The following CCDC148 variants were observed in gnomAD, a reference collection of about 807,000 sequenced individuals.
CCDC148 encodes coiled-coil domain-containing protein 148.
A neutral mutation model predicts 85.7 loss-of-function variants in CCDC148; 89 were observed. That is an observed-to-expected ratio of 1.04 (90% confidence interval 0.87 to 1.24). The LOEUF is 1.24. CCDC148 is among the 50% of genes most tolerant of loss of function. The pLI, the probability that CCDC148 is intolerant of heterozygous loss-of-function variation, is 0.00. For missense variants in CCDC148, 692 were observed against 671.7 expected (o/e 1.03, Z -0.33); for synonymous variants, 230 against 213.9 (o/e 1.08, Z -0.66).
chr2:158,390,165 A>C (rs1445068505), intron 1 of CCDC148, among the ~76,000 whole-genome samples: 3 of 152,180 alleles, frequency 2.0e-5, no homozygotes, highest in Admixed American at 6.6e-5. Context: ...TACAAGGAAG[A>C]CTTAAAACAG....
chr2:158,429,615 AAT>A (rs1687246575), intron 1 of CCDC148, among the ~76,000 whole-genome samples: 1 of 152,210 alleles, frequency 6.6e-6, no homozygotes, highest in South Asian at 2.1e-4. Context: ...CAAAAATGTA[AAT>A]TGTTAAAAGG....
intron 7 of CCDC148, among the ~76,000 whole-genome samples, chr2:158,325,389 T>C (rs962629391): frequency 1.3e-5 from 2 of 152,132 alleles, no homozygotes; most frequent in Non-Finnish European, 2.9e-5. Flanking sequence ...GACACTACAC[T>C]CTCTTTGTTT....
At position 158,382,916 on chromosome 2, in the gene CCDC148, G is replaced by A. The variant is rs185579833; in HGVS notation, c.26-24346C>T. Among the ~76,000 whole-genome samples, 635 of 151,002 alleles carry A rather than the reference G, an allele frequency of 4.2e-3. 1 individual carries two copies. Among genetic ancestry groups the A allele is most frequent in the African/African-American group, 0.014 (595 of 41,110 alleles). Reference sequence around the variant, plus strand: ...AGCCTGGGTGACAGAGTGAGACTCCGTCTCACAAAAAAAAACCACAATAAC... The same window carrying A: ...AGCCTGGGTGACAGAGTGAGACTCCATCTCACAAAAAAAAACCACAATAAC... On this transcript the variant is annotated intron_variant, in intron 1 of 13. Coordinates refer to ENST00000283233, the MANE Select transcript of CCDC148 (RefSeq NM_138803.4).
intron 11 of CCDC148, among the ~76,000 whole-genome samples, chr2:158,197,168 A>C (rs767085627): frequency 1.3e-5 from 2 of 152,208 alleles, no homozygotes; most frequent in Non-Finnish European, 2.9e-5. Context: ...TCCACTCACA[A>C]TAAGTCAGGA....
At chr2:158,248,742 G>C (rs963509817) in intron 10 of CCDC148, among the ~76,000 whole-genome samples, 1 of 152,042 alleles carries the variant, frequency 6.6e-6, no homozygotes, top group Non-Finnish European at 1.5e-5. Flanking sequence ...ATCACATCTT[G>C]CATTCTAAGA....
intron 9 of CCDC148, among the ~76,000 whole-genome samples, chr2:158,279,714 C>A (rs186111532): frequency 0.012 from 1,892 of 152,212 alleles, 28 homozygotes; most frequent in African/African-American, 0.039. Context: ...AGGATATTAT[C>A]CAGGAGAACT....
intron 10 of CCDC148, among the ~76,000 whole-genome samples, chr2:158,247,495 G>A (rs1358072329): frequency 1.3e-5 from 2 of 152,096 alleles, no homozygotes; most frequent in African/African-American, 4.8e-5. Flanking sequence ...CAAAACTTTG[G>A]AAACTTAAAT....
In CCDC148 at chr2:158,231,067, G is replaced by A. The variant is rs566471818; in HGVS notation, c.1252-10354C>T. 3.9e-5 allele frequency among the ~76,000 whole-genome samples: 6 copies of A among 152,216 alleles called. No individual in the cohort carries two copies. In the East Asian group the frequency reaches 5.8e-4, roughly 15 times the overall value. ...GACCTCTAAGTTGGAGGGGCCAGAC[G>A]AACATCTGAAGGCACAGATGGGTGG... On this transcript the variant is annotated intron_variant, in intron 10 of 13. Coordinates refer to ENST00000283233, the MANE Select transcript of CCDC148 (RefSeq NM_138803.4).
At chr2:158,224,979 A>G (rs1197869237) in intron 10 of CCDC148, among the ~76,000 whole-genome samples, 1 of 152,204 alleles carries the variant, frequency 6.6e-6, no homozygotes, top group Non-Finnish European at 1.5e-5. Flanking sequence ...TAAATGGGCT[A>G]AATGCTCCAA....
chr2:158,360,502 C>A (rs1683889286), intron 1 of CCDC148, among the ~76,000 whole-genome samples: 2 of 152,206 alleles, frequency 1.3e-5, no homozygotes, highest in African/African-American at 4.8e-5. Context: ...TGCTGTTCTG[C>A]AGCCTCCACT....
chr2:158,367,725 C>T (rs1207597080), intron 1 of CCDC148, among the ~76,000 whole-genome samples: 2 of 152,134 alleles, frequency 1.3e-5, no homozygotes, highest in Non-Finnish European at 2.9e-5. Context: ...TTGGTTCCAA[C>T]TATTTAGAAG....
At position 158,253,342 on chromosome 2, in the gene CCDC148, T is replaced by G. The variant is rs1427577713; in HGVS notation, c.1111-2430A>C. 2.0e-5 allele frequency among the ~76,000 whole-genome samples: 3 copies of G among 151,776 alleles called. No homozygotes were observed. The East Asian group carries it at 5.8e-4, about 29-fold the overall frequency. ...TAATCTCTAAGTAGCGTTCCTCCTC[T>G]GCCTTCCCTTATATGGCCATTCCTA... is the stretch of plus-strand genomic sequence containing the variant. On this transcript the variant is annotated intron_variant, in intron 9 of 13. Transcript: ENST00000283233.
At chr2:158,282,085 TG>T (rs1297033700) in intron 9 of CCDC148, among the ~76,000 whole-genome samples, 1 of 151,624 alleles carries the variant, frequency 6.6e-6, no homozygotes, top group African/African-American at 2.4e-5. Context: ...CAACGCTTCA[TG>T]CTAAAAACTC....
chr2:158,399,440 G>C (rs1004537145), intron 1 of CCDC148, among the ~76,000 whole-genome samples: 5 of 152,152 alleles, frequency 3.3e-5, no homozygotes, highest in Non-Finnish European at 7.3e-5. Flanking sequence ...GATCAAGTCA[G>C]ATTCATCCCT....
chr2:158,326,263 T>C (rs1692769342), intron 7 of CCDC148, among the ~76,000 whole-genome samples: 1 of 152,082 alleles, frequency 6.6e-6, no homozygotes, highest in Non-Finnish European at 1.5e-5. Flanking sequence ...CCCAACCCCG[T>C]CTTAACTTTT....
chr2:158,364,547 A>G (rs935576062), intron 1 of CCDC148, among the ~76,000 whole-genome samples: 1 of 152,230 alleles, frequency 6.6e-6, no homozygotes, highest in African/African-American at 2.4e-5. Flanking sequence ...CCTGTCAAAA[A>G]CAAGCAAATG....
intron 1 of CCDC148, among the ~76,000 whole-genome samples, chr2:158,446,102 C>T (rs554557252): frequency 6.6e-6 from 1 of 152,148 alleles, no homozygotes; most frequent in Admixed American, 6.5e-5. Flanking sequence ...AATCCCAACA[C>T]TTTGGGAGGC....
chr2:158,446,276 C>G (rs1398644418), intron 1 of CCDC148, among the ~76,000 whole-genome samples: 1 of 151,884 alleles, frequency 6.6e-6, no homozygotes, highest in Non-Finnish European at 1.5e-5. Flanking sequence ...TGCTTGACCC[C>G]AGGAGTTTGA....
Position 158,178,977 on chromosome 2 carries a change from ATTC to A in CCDC148, c.1387_1389del (p.Glu463del). 1 of 1,612,674 alleles carries A rather than the reference ATTC, an allele frequency of 6.2e-7. No homozygotes were observed. ...TTCTCCATCAAACGCCTTTCCAATA[ATTC>A]TTGTCTATATTTAACCCTTTAAAAA... On this transcript the variant is annotated inframe_deletion, in exon 12 of 14. Coordinates refer to ENST00000283233, the MANE Select transcript of CCDC148 (RefSeq NM_138803.4).
Sources: allele counts gnomAD v4.1 joint callset (sites outside exome capture counted in the v4.1 genomes callset), GRCh38; gene constraint gnomAD v4.1.1; transcripts MANE v1.5; gene names NCBI Gene and HGNC (gene_info 2026-07-23, HGNC 2026-07-21).